The following VPS13D variants were observed in gnomAD, a reference collection of about 807,000 sequenced individuals.
VPS13D encodes the protein intermembrane lipid transfer protein VPS13D.
Under a neutral mutation model 461.9 loss-of-function variants are expected in VPS13D, and 187 were observed. The observed-to-expected ratio is 0.40, with a 90% CI of 0.36 to 0.46. VPS13D has a LOEUF of 0.46. VPS13D is among the 20% of genes least tolerant of loss of function. The pLI, the probability that VPS13D is intolerant of heterozygous loss-of-function variation, is 0.60. For synonymous variants in VPS13D, 1,951 were observed against 1,986.3 expected (o/e 0.98, Z 0.47); for missense variants, 4,711 against 5,364.9 (o/e 0.88, Z 3.81).
intron 30 of VPS13D, among the ~76,000 whole-genome samples, chr1:12,315,512 A>G (rs956315220): frequency 5.3e-5 from 8 of 152,196 alleles, no homozygotes; most frequent in African/African-American, 1.9e-4. Context: ...CGCTCAGTAT[A>G]ATCCTGACAA....
intron 10 of VPS13D, 57 bp from the exon 11 acceptor site, chr1:12,260,636 C>T: frequency 6.8e-7 from 1 of 1,479,210 alleles, no homozygotes; most frequent in Non-Finnish European, 9.4e-7. Flanking sequence ...TGTCCAGTGT[C>T]TCTGGATCTA....
At chr1:12,469,047 A>C (rs981114027) in intron 67 of VPS13D, among the ~76,000 whole-genome samples, 4 of 152,146 alleles carry the variant, frequency 2.6e-5, no homozygotes, top group South Asian at 2.1e-4. Context: ...AGAAAAAAAA[A>C]AAAACAAAAA....
intron 34 of VPS13D, 68 bp downstream of exon 34, chr1:12,322,814 T>A: frequency 6.9e-7 from 1 of 1,454,876 alleles, no homozygotes; most frequent in Non-Finnish European, 9.4e-7. Flanking sequence ...CTCTTAAAAT[T>A]TTCTTTTGCA....
chr1:12,441,700 C>T (rs1227237041), intron 65 of VPS13D, among the ~76,000 whole-genome samples: 1 of 152,184 alleles, frequency 6.6e-6, no homozygotes, highest in African/African-American at 2.4e-5. Flanking sequence ...TAGATATTTC[C>T]ATCTGGAGTC....
At chr1:12,423,783 TGAG>T (rs1302830440) in intron 65 of VPS13D, among the ~76,000 whole-genome samples, 3 of 152,204 alleles carry the variant, frequency 2.0e-5, no homozygotes, top group Non-Finnish European at 4.4e-5. Context: ...ATGACCTTGT[TGAG>T]GAGAGAGGGG....
At chr1:12,456,242 G>A in intron 66 of VPS13D, 112 bp downstream of exon 66, 1 of 1,425,942 alleles carries the variant, frequency 7.0e-7, no homozygotes, top group Non-Finnish European at 9.2e-7. Context: ...GGTGGCTCAT[G>A]CTTGTAATCC....
chr1:12,381,479 TAAAGC>T (rs1318828160), intron 57 of VPS13D, among the ~76,000 whole-genome samples: 1 of 152,220 alleles, frequency 6.6e-6, no homozygotes, highest in East Asian at 1.9e-4. Flanking sequence ...AAGGCCTTGT[TAAAGC>T]AAACTAAATA....
intron 65 of VPS13D, among the ~76,000 whole-genome samples, chr1:12,435,740 T>A (rs1181396279): frequency 1.3e-5 from 2 of 151,638 alleles, no homozygotes; most frequent in African/African-American, 4.9e-5. Context: ...CTCGAACCTC[T>A]CTGCGATATA....
chr1:12,343,052 G>A lies in VPS13D; in HGVS notation c.8885+1G>A. The A allele has an allele frequency of 6.2e-7, 1 of 1,608,972 alleles. No homozygotes were observed. The highest frequency in any genetic ancestry group is 8.5e-7 in the Non-Finnish European group (1 of 1,176,412). On this transcript the variant is annotated splice_donor_variant, in intron 42 of 69. Transcript: ENST00000620676. LOFTEE classifies it high-confidence loss of function. ...AAGCAAGAGGAAAGTTAAGACACAG[G>A]TAAAGTATGGTTTATTCTTTTCTTT... is the stretch of plus-strand genomic sequence containing the variant.
At chr1:12,267,212 C>T (rs1379002301) in intron 14 of VPS13D, among the ~76,000 whole-genome samples, 1 of 152,090 alleles carries the variant, frequency 6.6e-6, no homozygotes, top group Non-Finnish European at 1.5e-5. Flanking sequence ...TGTATTGTAG[C>T]CACCATGGTA....
rs914814080 is a variant in VPS13D at position 12,488,683 on chromosome 1, A to G, written c.12663-8817A>G. Among the ~76,000 whole-genome samples, 962 of 151,606 alleles carry G rather than the reference A, an allele frequency of 6.3e-3. 36 individuals are homozygous for G. Among genetic ancestry groups the G allele is most frequent in the Admixed American group, 0.052 (791 of 15,212 alleles). ...ATCATTTGAACCAAAAAAAAAAAAA[A>G]AAAAAAAAAGTAGTGAAAATGTATG... is the stretch of plus-strand genomic sequence containing the variant. On this transcript the variant is annotated intron_variant, in intron 67 of 69. Transcript: ENST00000620676.
At chr1:12,337,353 G>A (rs1211162823) in intron 39 of VPS13D, 1 of 152,196 alleles carries the variant, frequency 6.6e-6, no homozygotes, top group Non-Finnish European at 1.5e-5. Flanking sequence ...TTTTGAAAGT[G>A]AGTAGGGTTC....
intron 65 of VPS13D, among the ~76,000 whole-genome samples, chr1:12,420,704 G>C (rs1323887279): frequency 6.6e-6 from 1 of 152,322 alleles, no homozygotes; most frequent in East Asian, 1.9e-4. Context: ...GGGGCTGGTA[G>C]TCAGGATTGC....
intron 2 of VPS13D, among the ~76,000 whole-genome samples, chr1:12,235,360 C>T (rs911955912): frequency 6.6e-6 from 1 of 152,112 alleles, no homozygotes; most frequent in Non-Finnish European, 1.5e-5. Flanking sequence ...AGGCGGATCA[C>T]GAGGTCAGGA....
chr1:12,306,450 C>T (rs950620723), intron 26 of VPS13D, among the ~76,000 whole-genome samples: 9 of 152,132 alleles, frequency 5.9e-5, no homozygotes, highest in East Asian at 5.8e-4. Context: ...TGGTGCTTGC[C>T]GCCACTGATG....
rs535899137 is a variant in VPS13D, at chr1:12,444,800, A to G, written c.12334-11198A>G. 5.9e-5 allele frequency among the ~76,000 whole-genome samples: 9 copies of G among 152,264 alleles called. No individual in the cohort carries two copies. The South Asian group carries it at 1.9e-3, about 32-fold the overall frequency. ...GTCATTTAGTCCTGTTTTCTTACAT[A>G]TCTGGAAATTTTAATTGAATTCCTG... is the stretch of plus-strand genomic sequence containing the variant. On this transcript the variant is annotated intron_variant, in intron 65 of 69. Coordinates refer to ENST00000620676, the MANE Select transcript of VPS13D (RefSeq NM_015378.4).
intron 67 of VPS13D, among the ~76,000 whole-genome samples, chr1:12,484,212 G>A (rs1187529453): frequency 6.6e-6 from 1 of 152,132 alleles, no homozygotes; most frequent in Non-Finnish European, 1.5e-5. Context: ...GGACCTGCTT[G>A]GGCCAGGCCT....
In VPS13D at chr1:12,275,974, G is replaced by A. The variant is rs1246210112; in HGVS notation, c.2386G>A (p.Gly796Arg). ...CGGAGAGAAAACACCTCCCTTTTCT[G>A]GAGTTGAGTTCAGTGAAGAACAGCT... ...SNGEKTPPFS[G>R]VEFSEEQLQA... Residue 796 changes from glycine to arginine, a missense_variant, in exon 19 of 70, where the codon GGA becomes AGA. Gly to Arg is a moderately radical substitution (Grantham distance 125). Coordinates refer to ENST00000620676, the MANE Select transcript of VPS13D (RefSeq NM_015378.4). 1 of 1,613,808 alleles carries A rather than the reference G, an allele frequency of 6.2e-7. No homozygotes were observed. The highest frequency in any genetic ancestry group is 8.5e-7 in the Non-Finnish European group (1 of 1,180,018).
Position 12,299,788 on chromosome 1 carries a change from G to A in VPS13D, c.6216+404G>A, listed in dbSNP as rs1455824678. Among the ~76,000 whole-genome samples the A allele has an allele frequency of 1.3e-5, 2 of 151,890 alleles. No individual in the cohort carries two copies. The highest frequency in any genetic ancestry group is 4.8e-5 in the African/African-American group (2 of 41,338). On this transcript the variant is annotated intron_variant, in intron 25 of 69. Coordinates refer to ENST00000620676, the MANE Select transcript of VPS13D (RefSeq NM_015378.4). The surrounding 1 kb of genome is among the most constrained non-coding windows in gnomAD (Gnocchi z 4.2). ...ATAATATAAACGTTTTAGACTCTGTGGCTTTTTTCAGAGGACGTGATTGGC... is the reference window on the plus strand; with the variant it reads ...ATAATATAAACGTTTTAGACTCTGTAGCTTTTTTCAGAGGACGTGATTGGC...
Sources: gnomAD v4.1 joint callset for allele counts (sites outside exome capture counted in the v4.1 genomes callset) on GRCh38, gnomAD v4.1.1 for gene constraint, Gnocchi (gnomAD v3.1) non-coding constraint, MANE v1.5 for transcripts, NCBI Gene and HGNC (gene_info 2026-07-23, HGNC 2026-07-21) for gene names.